Variants in TMEM182 observed in about 807,000 individuals in gnomAD.
TMEM182 encodes the protein transmembrane protein 182.
In TMEM182, 20 loss-of-function variants were observed where a neutral mutation model predicts 26.8. The observed-to-expected ratio is 0.75, with a 90% CI of 0.53 to 1.09. The LOEUF is 1.09. TMEM182 is among the 50% of genes least tolerant of loss of function. The pLI is 0.00. For missense variants in TMEM182, 277 were observed against 275.5 expected, an observed-to-expected ratio of 1.01 and a Z score of -0.04; for synonymous variants, 109 against 102.2, an observed-to-expected ratio of 1.07 and a Z score of -0.40.
At chr2:102,788,582 C>T (rs1681499198) in intron 3 of TMEM182, among the ~76,000 whole-genome samples, 2 of 152,070 alleles carry the variant, frequency 1.3e-5, no homozygotes, top group Non-Finnish European at 2.9e-5. Flanking sequence ...CAAAGCCACC[C>T]TTCCTGGTAC....
chr2:102,759,142 TA>T (rs756064011), upstream of TMEM182, among the ~76,000 whole-genome samples: 1 of 152,050 alleles, frequency 6.6e-6, no homozygotes, highest in African/African-American at 2.4e-5. Context: ...TTCCCCTAAT[TA>T]AAAAAAATCT....
rs57955509 is a variant in TMEM182, at chr2:102,797,820, G to C, written c.332-43G>C. On this transcript the variant is annotated intron_variant, in intron 3 of 4. Transcript: ENST00000412401. ...ACAATCTGCTGTGTACACAATCTAA[G>C]TGTATTTTTCTTTCTTTTCTCTTTT... is the stretch of plus-strand genomic sequence containing the variant. The C allele has an allele frequency of 1.9e-6, 3 of 1,588,046 alleles. No individual in the cohort carries two copies. In the East Asian group the frequency reaches 6.7e-5, roughly 35 times the overall value.
At position 102,814,805 on chromosome 2, in the gene TMEM182, A is replaced by C. The variant is rs1682682322; in HGVS notation, c.527A>C (p.Asp176Ala). 1 of 1,613,882 alleles carries C rather than the reference A, an allele frequency of 6.2e-7. No individual in the cohort carries two copies. Among genetic ancestry groups the C allele is most frequent in the African/African-American group, 1.3e-5 (1 of 75,036 alleles). The change falls in exon 5 of 5, where the codon GAC (aspartate) becomes GCC (alanine). Residue 176 changes from aspartate to alanine, a missense_variant. Asp to Ala is a moderately radical substitution (Grantham distance 126). Transcript: ENST00000412401. The stretch of plus-strand genomic sequence containing the variant: ...GTCATCTGGGTCCAGGCAGTGGCTG[A>C]CATGGAAAGCTACCGAAACATGAAA... ...LYVIWVQAVADMESYRNMKMK... is the reference protein window; with the variant it reads ...LYVIWVQAVAAMESYRNMKMK...
At chr2:102,742,651 CAG>C (rs1167906853) in intron 1 of TMEM182, among the ~76,000 whole-genome samples, 1 of 152,046 alleles carries the variant, frequency 6.6e-6, no homozygotes, top group East Asian at 1.9e-4. Context: ...AAACTGAAAA[CAG>C]AGAAAATCTT....
At chr2:102,768,640 G>A (rs1254737841) in intron 3 of TMEM182, among the ~76,000 whole-genome samples, 1 of 152,006 alleles carries the variant, frequency 6.6e-6, no homozygotes, top group Non-Finnish European at 1.5e-5. Flanking sequence ...GGCGGAGGTT[G>A]CGATGAGCTG....
chr2:102,799,581 G>C (rs1306095004), intron 4 of TMEM182, among the ~76,000 whole-genome samples: 1 of 152,118 alleles, frequency 6.6e-6, no homozygotes, highest in Non-Finnish European at 1.5e-5. Flanking sequence ...AATATGATTG[G>C]ACAAAAAGGG....
At chr2:102,759,889 TTC>T (rs1299587841), upstream of TMEM182, among the ~76,000 whole-genome samples, 1 of 152,214 alleles carries the variant, frequency 6.6e-6, no homozygotes, top group Admixed American at 6.5e-5. Context: ...GTGGTCACCT[TTC>T]TCTCTCTGGC....
chr2:102,821,871 C>T (rs1029283191), downstream of TMEM182, among the ~76,000 whole-genome samples: 1 of 151,722 alleles, frequency 6.6e-6, no homozygotes, highest in Non-Finnish European at 1.5e-5. Context: ...GCCTGTAGTC[C>T]CAGCTACTCG....
At chr2:102,812,236 A>G (rs1573563586) in intron 4 of TMEM182, among the ~76,000 whole-genome samples, 1 of 152,312 alleles carries the variant, frequency 6.6e-6, no homozygotes, top group East Asian at 1.9e-4. Flanking sequence ...CTACCTGAAT[A>G]CAGTGTCCTT....
intron 3 of TMEM182, among the ~76,000 whole-genome samples, chr2:102,776,466 G>A (rs1680920915): frequency 6.6e-6 from 1 of 152,078 alleles, no homozygotes; most frequent in Non-Finnish European, 1.5e-5. Context: ...TGCATTTAAG[G>A]TTCCTCCATG....
chr2:102,766,672 T>C (rs869833), intron 3 of TMEM182, among the ~76,000 whole-genome samples: 73,500 of 151,998 alleles, frequency 0.48, 18,515 homozygotes, highest in African/African-American at 0.63. Flanking sequence ...AATGAGACTA[T>C]GTATACTTCA....
chr2:102,798,226 C>A (rs542573977), intron 4 of TMEM182, among the ~76,000 whole-genome samples: 1 of 152,312 alleles, frequency 6.6e-6, no homozygotes, highest in East Asian at 1.9e-4. Context: ...CATGCTGACA[C>A]ATTTAACCAT....
At chr2:102,780,272 T>C (rs1480483242) in intron 3 of TMEM182, among the ~76,000 whole-genome samples, 1 of 152,192 alleles carries the variant, frequency 6.6e-6, no homozygotes, top group African/African-American at 2.4e-5. Context: ...TTGGCTTCCT[T>C]TCATACTACC....
chr2:102,814,030 C>T (rs1682652866), intron 4 of TMEM182, among the ~76,000 whole-genome samples: 1 of 151,340 alleles, frequency 6.6e-6, no homozygotes, highest in Non-Finnish European at 1.5e-5. Context: ...CATCAATCTT[C>T]CTCCCTCATT....
chr2:102,752,135 C>A lies in TMEM182; in HGVS notation c.-82-6254C>A, dbSNP rs180943544. Among the ~76,000 whole-genome samples, 275 of 152,218 alleles carry A rather than the reference C, an allele frequency of 1.8e-3. 1 individual carries two copies. Among genetic ancestry groups the A allele is most frequent in the African/African-American group, 6.3e-3 (262 of 41,538 alleles). On this transcript the variant is annotated intron_variant, in intron 1 of 5. Transcript: ENST00000409173. Reference sequence around the variant, plus strand: ...TTTAGTCCATAGACAGTGCTTAGGGCAAAAAGCCCTGCCATAAAGAGATTC... The same window carrying A: ...TTTAGTCCATAGACAGTGCTTAGGGAAAAAAGCCCTGCCATAAAGAGATTC...
chr2:102,783,016 A>G (rs996256090), intron 3 of TMEM182, among the ~76,000 whole-genome samples: 1 of 152,208 alleles, frequency 6.6e-6, no homozygotes, highest in African/African-American at 2.4e-5. Context: ...TAGATTTAAT[A>G]TTGTTAAGGA....
chr2:102,757,814 A>G (rs72828082), upstream of TMEM182, among the ~76,000 whole-genome samples: 25,309 of 152,144 alleles, frequency 0.17, 2,182 homozygotes, highest in East Asian at 0.2. Flanking sequence ...CATGACTGGG[A>G]AGCCTCAGGA....
chr2:102,805,296 G>A (rs1009248476), intron 4 of TMEM182, among the ~76,000 whole-genome samples: 4 of 152,162 alleles, frequency 2.6e-5, no homozygotes, highest in African/African-American at 9.7e-5. Context: ...AAATCCCAAA[G>A]CCTGCTCCTT....
At chr2:102,839,945 G>T (rs1683316031) in intron 3 of TMEM182, among the ~76,000 whole-genome samples, 1 of 152,198 alleles carries the variant, frequency 6.6e-6, no homozygotes, top group African/African-American at 2.4e-5. Flanking sequence ...TATTCTCAGG[G>T]ATGCTGCAAA....
Sources: gnomAD v4.1 joint callset for allele counts (sites outside exome capture counted in the v4.1 genomes callset) on GRCh38, gnomAD v4.1.1 for gene constraint, MANE v1.5 for transcripts, NCBI Gene and HGNC (gene_info 2026-07-23, HGNC 2026-07-21) for gene names.